MAP1LC3B2: variants seen among roughly 807,000 people sequenced by gnomAD.
MAP1LC3B2 encodes microtubule-associated protein 1 light chain 3 beta 2.
For synonymous variants in MAP1LC3B2, 62 were observed against 57.8 expected (o/e 1.07, Z -0.33); for missense variants, 155 against 154.6 (o/e 1.00, Z -0.01).
At chr12:116,573,479 T>C (rs889162524) in intron 1 of MAP1LC3B2, among the ~76,000 whole-genome samples, 3 of 152,172 alleles carry the variant, frequency 2.0e-5, no homozygotes, top group Non-Finnish European at 2.9e-5. Flanking sequence ...AACTATATAA[T>C]TCATAAAGGA....
At chr12:116,566,978 A>C (rs1869404734) in intron 1 of MAP1LC3B2, among the ~76,000 whole-genome samples, 1 of 129,074 alleles carries the variant, frequency 7.7e-6, no homozygotes, top group South Asian at 2.8e-4. Context: ...AAAAGAATTG[A>C]GTTCAAAACT....
intron 1 of MAP1LC3B2, among the ~76,000 whole-genome samples, chr12:116,560,311 C>T (rs193144128): frequency 2.2e-3 from 334 of 150,336 alleles, no homozygotes; most frequent in African/African-American, 7.4e-3. Flanking sequence ...TGCAGTGGCG[C>T]GCTCTCGGCT....
At chr12:116,572,558 G>T (rs895344428) in intron 1 of MAP1LC3B2, among the ~76,000 whole-genome samples, 10 of 151,900 alleles carry the variant, frequency 6.6e-5, no homozygotes, top group Non-Finnish European at 1.3e-4. Context: ...TAGAGACAGG[G>T]TTTCACCGTG....
At chr12:116,566,930 CA>C (rs56405000) in intron 1 of MAP1LC3B2, among the ~76,000 whole-genome samples, 64 of 26,726 alleles carry the variant, frequency 2.4e-3, no homozygotes, top group Non-Finnish European at 4.1e-3. Context: ...GACTCTGTCT[CA>C]AAAAAAAAAA....
chr12:116,570,564 G>C (rs145234736), intron 1 of MAP1LC3B2, among the ~76,000 whole-genome samples: 2 of 152,094 alleles, frequency 1.3e-5, no homozygotes, highest in East Asian at 1.9e-4. Context: ...ATACTGTTCT[G>C]GTGGTAGTGA....
chr12:116,576,469 T>G lies in MAP1LC3B2; in HGVS notation c.*149T>G, dbSNP rs1869690741. On this transcript the variant is annotated 3_prime_UTR_variant, in exon 2 of 2. Coordinates refer to ENST00000556529, the MANE Select transcript of MAP1LC3B2 (RefSeq NM_001085481.3). ...CCTAGGAGTGTTAGGAAGTTGTGTT[T>G]GTGTTTCAAGCAGAAAAACTGAGCT... The G allele has an allele frequency of 8.2e-7, 1 of 1,218,902 alleles. No homozygotes were observed. The highest frequency in any genetic ancestry group is 2.5e-5 in the East Asian group (1 of 39,598). The allele number at this position is 1,218,902 out of a possible 1,614,324, so 75.5% of individuals were successfully genotyped here. A position where few individuals can be genotyped will look rare whatever the true frequency, so the allele number is the denominator to read the frequency against.
chr12:116,575,365 C>T (rs1024306827), intron 1 of MAP1LC3B2, among the ~76,000 whole-genome samples: 4 of 152,040 alleles, frequency 2.6e-5, no homozygotes, highest in Non-Finnish European at 2.9e-5. Context: ...AGCAGTGGAG[C>T]GGCTATTAAC....
chr12:116,572,095 A>T (rs1869552682), intron 1 of MAP1LC3B2, among the ~76,000 whole-genome samples: 1 of 152,188 alleles, frequency 6.6e-6, no homozygotes, highest in African/African-American at 2.4e-5. Flanking sequence ...TCCTCTCTAT[A>T]GACATCAGAC....
chr12:116,564,969 A>ATT (rs1238633172), intron 1 of MAP1LC3B2, among the ~76,000 whole-genome samples: 2 of 152,130 alleles, frequency 1.3e-5, no homozygotes, highest in African/African-American at 4.8e-5. Flanking sequence ...CTGAAAAACA[A>ATT]TTGTTTTATA....
Position 116,576,159 on chromosome 12 carries a change from C to T in MAP1LC3B2, c.217C>T (p.Leu73Phe). 1.9e-6 allele frequency: 3 copies of T among 1,614,098 alleles called. No individual in the cohort carries two copies. The highest frequency in any genetic ancestry group is 2.5e-6 in the Non-Finnish European group (3 of 1,180,010). The change falls in exon 2 of 2, where the codon CTC becomes TTC. Residue 73 changes from leucine to phenylalanine, a missense_variant. Physicochemically the swap from Leu to Phe is conservative, Grantham distance 22 (BLOSUM62 0). Coordinates refer to ENST00000556529, the MANE Select transcript of MAP1LC3B2 (RefSeq NM_001085481.3). Reference sequence around the variant, plus strand: ...CAAGATAATTAGAAGGCGCTTACAGCTCAATGCTAATCAGGCCTTCTTCCT... The same window carrying T: ...CAAGATAATTAGAAGGCGCTTACAGTTCAATGCTAATCAGGCCTTCTTCCT... ...LIKIIRRRLQ[L>F]NANQAFFLLV...
In MAP1LC3B2 at chr12:116,576,284, C is replaced by T. The variant is rs751152315; in HGVS notation, c.342C>T (p.Ala114=). The change falls in exon 2 of 2, where the codon GCC becomes GCT. Residue 114 remains alanine (A), a synonymous_variant. Coordinates refer to ENST00000556529, the MANE Select transcript of MAP1LC3B2 (RefSeq NM_001085481.3). The part of the protein sequence containing the change: ...DEDGFLYMVC[A]SQETFGMKLS... ...ATGGATTCCTGTACATGGTCTGTGC[C>T]TCCCAGGAGACGTTCGGGATGAAAT... 23 of 1,613,950 alleles carry T rather than the reference C, an allele frequency of 1.4e-5. No homozygotes were observed. The highest frequency in any genetic ancestry group is 1.9e-5 in the Non-Finnish European group (23 of 1,180,026).
chr12:116,569,289 C>G (rs909872582), intron 1 of MAP1LC3B2, among the ~76,000 whole-genome samples: 3 of 152,204 alleles, frequency 2.0e-5, no homozygotes, highest in Admixed American at 6.5e-5. Flanking sequence ...GAGATTGATG[C>G]TGAAGAGACC....
chr12:116,569,617 A>T (rs986716376), intron 1 of MAP1LC3B2, among the ~76,000 whole-genome samples: 1 of 152,210 alleles, frequency 6.6e-6, no homozygotes, highest in African/African-American at 2.4e-5. Context: ...GCACGTAGGT[A>T]TGTGTTTATT....
chr12:116,567,795 G>T (rs1592867236), intron 1 of MAP1LC3B2, among the ~76,000 whole-genome samples: 2 of 151,822 alleles, frequency 1.3e-5, no homozygotes, highest in Non-Finnish European at 2.9e-5. Context: ...CCCTCTAAGG[G>T]TTTCGGTTGC....
chr12:116,565,825 A>T (rs990896084), intron 1 of MAP1LC3B2, among the ~76,000 whole-genome samples: 1 of 152,230 alleles, frequency 6.6e-6, no homozygotes, highest in Non-Finnish European at 1.5e-5. Flanking sequence ...AAGCAAGGAG[A>T]TTGGCCCCTT....
At position 116,571,613 on chromosome 12, in the gene MAP1LC3B2, T is replaced by TG. The variant is rs1311479224; in HGVS notation, c.-101-4226dup. On this transcript the variant is annotated intron_variant, in intron 1 of 1. Transcript: ENST00000556529. ...CTCCTGCCTCAGCCTCCCGAGTAGC[T>TG]GGGACTACAGGTGCCCACCACCACA... is the stretch of plus-strand genomic sequence containing the variant. Among the ~76,000 whole-genome samples, 6 of 151,590 alleles carry TG rather than the reference T, an allele frequency of 4.0e-5. No homozygotes were observed. The South Asian group carries it at 1.0e-3, about 26-fold the overall frequency.
In MAP1LC3B2 at chr12:116,575,992, TAGA is replaced by T. The variant is rs758063578; in HGVS notation, c.54_56del (p.Glu18del). The T allele has an allele frequency of 4.9e-5, 79 of 1,613,744 alleles. No individual in the cohort carries two copies. Among genetic ancestry groups the T allele is most frequent in the African/African-American group, 3.3e-4 (25 of 74,818 alleles). On this transcript the variant is annotated inframe_deletion, in exon 2 of 2. Coordinates refer to ENST00000556529, the MANE Select transcript of MAP1LC3B2 (RefSeq NM_001085481.3). ...CAGCGGCGCACCTTCGAACAAAGAG[TAGA>T]AGATGTCCGACTTATTCGAGAGCAG...
intron 1 of MAP1LC3B2, among the ~76,000 whole-genome samples, chr12:116,574,411 T>A (rs2136964607): frequency 6.6e-6 from 1 of 152,162 alleles, no homozygotes; most frequent in East Asian, 1.9e-4. Context: ...GAGGCCGAGG[T>A]GGGCAGATCT....
At chr12:116,562,252 A>G (rs548145977) in intron 1 of MAP1LC3B2, among the ~76,000 whole-genome samples, 6 of 152,302 alleles carry the variant, frequency 3.9e-5, no homozygotes, top group South Asian at 4.1e-4. Context: ...CCTGACAACA[A>G]TATTTGTATC....
Sources: allele counts gnomAD v4.1 joint callset (sites outside exome capture counted in the v4.1 genomes callset), GRCh38; gene constraint gnomAD v4.1.1; transcripts MANE v1.5; gene names NCBI Gene and HGNC (gene_info 2026-07-23, HGNC 2026-07-21).